SLC35F1: variants seen among roughly 807,000 people sequenced by gnomAD.
SLC35F1 encodes the protein chromosome 6 open reading frame 169.
SLC35F1 carries 14 observed loss-of-function variants against 48.7 expected under a neutral mutation model. The observed-to-expected ratio is 0.29, with a 90% CI of 0.19 to 0.45. The LOEUF is 0.45. Ranked by LOEUF, SLC35F1 falls within the 20% of genes least tolerant of loss-of-function variation. SLC35F1 has a pLI of 1.00. For missense variants in SLC35F1, 404 were observed against 500.0 expected (o/e 0.81, Z 1.83); for synonymous variants, 190 against 202.2 (o/e 0.94, Z 0.51).
intron 2 of SLC35F1, among the ~76,000 whole-genome samples, chr6:118,225,710 A>G (rs112864398): frequency 0.14 from 4,521 of 31,276 alleles, 230 homozygotes; most frequent in African/African-American, 0.28. Context: ...CGTCTCTACT[A>G]AAAATACAAA....
At chr6:118,202,903 T>G (rs1774889439) in intron 2 of SLC35F1, among the ~76,000 whole-genome samples, 1 of 152,236 alleles carries the variant, frequency 6.6e-6, no homozygotes, top group African/African-American at 2.4e-5. Flanking sequence ...CATCAAGTTT[T>G]GGATGACAAT....
intron 7 of SLC35F1, among the ~76,000 whole-genome samples, chr6:118,307,018 A>G (rs1264151887): frequency 6.6e-6 from 1 of 152,256 alleles, no homozygotes; most frequent in Non-Finnish European, 1.5e-5. Flanking sequence ...CTGGGATAGC[A>G]GCTCAGAGCA....
chr6:118,141,187 C>A (rs1021853741), intron 1 of SLC35F1, among the ~76,000 whole-genome samples: 4 of 152,132 alleles, frequency 2.6e-5, no homozygotes, highest in Non-Finnish European at 4.4e-5. Flanking sequence ...GATAAGTGCC[C>A]TATACAGGTG....
chr6:118,106,118 A>G (rs1394976577), intron 1 of SLC35F1, among the ~76,000 whole-genome samples: 4 of 152,164 alleles, frequency 2.6e-5, no homozygotes, highest in Non-Finnish European at 5.9e-5. Context: ...TAAAAGTTAG[A>G]AGCCTGAAAA....
intron 3 of SLC35F1, among the ~76,000 whole-genome samples, chr6:118,248,059 T>A (rs1775530345): frequency 1.3e-5 from 2 of 152,194 alleles, no homozygotes; most frequent in Non-Finnish European, 2.9e-5. Flanking sequence ...AGTTCATATG[T>A]TTTTGAGTGA....
intron 1 of SLC35F1, among the ~76,000 whole-genome samples, chr6:118,136,291 G>T (rs1318686621): frequency 6.6e-6 from 1 of 152,198 alleles, no homozygotes; most frequent in Non-Finnish European, 1.5e-5. Context: ...CATTGAGCAT[G>T]CTGTTTTATG....
intron 1 of SLC35F1, among the ~76,000 whole-genome samples, chr6:117,976,496 T>C (rs542807287): frequency 7.5e-6 from 1 of 133,040 alleles, no homozygotes; most frequent in African/African-American, 2.9e-5. Context: ...GTTTAATTCC[T>C]GTTTATTTTT....
At chr6:118,260,563 A>T (rs1046262176) in intron 3 of SLC35F1, among the ~76,000 whole-genome samples, 13 of 152,148 alleles carry the variant, frequency 8.5e-5, no homozygotes, top group Admixed American at 6.5e-4. Context: ...GGCTATGCCC[A>T]TATAAAGCAG....
chr6:117,935,266 T>C (rs1376600736), intron 1 of SLC35F1, among the ~76,000 whole-genome samples: 2 of 152,220 alleles, frequency 1.3e-5, no homozygotes, highest in Admixed American at 6.5e-5. Flanking sequence ...CCACATGATA[T>C]TAATTATACA....
At chr6:118,083,592 G>A (rs1270109002) in intron 1 of SLC35F1, among the ~76,000 whole-genome samples, 1 of 152,150 alleles carries the variant, frequency 6.6e-6, no homozygotes, top group Non-Finnish European at 1.5e-5. Flanking sequence ...ACTAAATCCA[G>A]TGATGCTCTC....
At chr6:118,034,581 A>T (rs1326768253) in intron 1 of SLC35F1, among the ~76,000 whole-genome samples, 1 of 152,058 alleles carries the variant, frequency 6.6e-6, no homozygotes, top group African/African-American at 2.4e-5. Context: ...AAATAAATAA[A>T]TAATCAATCA....
intron 1 of SLC35F1, among the ~76,000 whole-genome samples, chr6:118,142,657 A>T: frequency 6.6e-6 from 1 of 152,098 alleles, no homozygotes; most frequent in Non-Finnish European, 1.5e-5. Context: ...TAAATATCCA[A>T]TTTTCATTCT....
intron 1 of SLC35F1, among the ~76,000 whole-genome samples, chr6:118,041,351 G>A (rs768781416): frequency 1.7e-4 from 26 of 151,972 alleles, no homozygotes; most frequent in Middle Eastern, 3.4e-3. Flanking sequence ...TGTAAAATAC[G>A]TGCAGTACAC....
At chr6:118,152,319 G>A (rs1008298734) in intron 1 of SLC35F1, among the ~76,000 whole-genome samples, 12 of 152,206 alleles carry the variant, frequency 7.9e-5, no homozygotes, top group African/African-American at 2.9e-4. Flanking sequence ...GAAACAGAGG[G>A]TCAGGTTCCA....
chr6:117,949,056 T>C (rs552592327), intron 1 of SLC35F1, among the ~76,000 whole-genome samples: 1 of 152,316 alleles, frequency 6.6e-6, no homozygotes, highest in South Asian at 2.1e-4. Context: ...ATAATGCTTT[T>C]TGTGTATTTA....
chr6:118,110,033 C>T lies in SLC35F1; in HGVS notation c.174-44412C>T, dbSNP rs1014673039. 5.3e-5 allele frequency among the ~76,000 whole-genome samples: 8 copies of T among 152,248 alleles called. No homozygotes were observed. In the East Asian group the frequency reaches 5.8e-4, roughly 11 times the overall value. On this transcript the variant is annotated intron_variant, in intron 1 of 7. Coordinates refer to ENST00000360388, the MANE Select transcript of SLC35F1 (RefSeq NM_001029858.4). ...CACAAACAAATGTACAGATACATCA[C>T]GGTAAGTCTTACAAAGGAAAAGAGT...
intron 2 of SLC35F1, among the ~76,000 whole-genome samples, chr6:118,217,728 G>A (rs529453119): frequency 6.6e-6 from 1 of 152,130 alleles, no homozygotes; most frequent in African/African-American, 2.4e-5. Context: ...CAGGAATTAT[G>A]CCCCCCTGCT....
At chr6:117,989,185 G>A (rs978650745) in intron 1 of SLC35F1, among the ~76,000 whole-genome samples, 2 of 152,182 alleles carry the variant, frequency 1.3e-5, no homozygotes, top group Non-Finnish European at 2.9e-5. Flanking sequence ...CCAGCAGCTC[G>A]AATGTTACAT....
At chr6:118,229,575 T>C (rs895352114) in intron 2 of SLC35F1, among the ~76,000 whole-genome samples, 9 of 152,204 alleles carry the variant, frequency 5.9e-5, no homozygotes, top group Non-Finnish European at 1.3e-4. Flanking sequence ...AAGAAAATAT[T>C]GCAATGCTAA....
Sources: gnomAD v4.1 joint callset for allele counts (sites outside exome capture counted in the v4.1 genomes callset) on GRCh38, gnomAD v4.1.1 for gene constraint, MANE v1.5 for transcripts, NCBI Gene and HGNC (gene_info 2026-07-23, HGNC 2026-07-21) for gene names.